The following PLSCR1 variants were observed in gnomAD, a reference collection of about 807,000 sequenced individuals.
The protein encoded by PLSCR1 is PL scramblase 1.
In PLSCR1, 17 loss-of-function variants were observed where a neutral mutation model predicts 37.8. The ratio of observed to expected loss-of-function variants is 0.45; its 90% CI spans 0.31 to 0.68. The LOEUF is 0.68. Among genes scored for constraint, PLSCR1 ranks in the 30% least tolerant of loss-of-function variants. PLSCR1 has a pLI of 0.06. For missense variants in PLSCR1, 347 were observed against 380.9 expected, an observed-to-expected ratio of 0.91 and a Z score of 0.74; for synonymous variants, 116 against 125.9, an observed-to-expected ratio of 0.92 and a Z score of 0.53.
At position 146,521,828 on chromosome 3, in the gene PLSCR1, C is replaced by T; in HGVS notation, c.576+5G>A. 6.2e-7 allele frequency: 1 copy of T among 1,608,534 alleles called. No individual in the cohort carries two copies. The highest frequency in any genetic ancestry group is 1.1e-5 in the South Asian group (1 of 90,782). On this transcript the variant is annotated splice_donor_5th_base_variant and intron_variant, in intron 6 of 8. Coordinates refer to ENST00000342435, the MANE Select transcript of PLSCR1 (RefSeq NM_021105.3). ...TACAAAGTGCCCTGGTAATTGATCA[C>T]AGACCTCCTGAAGGCAGCAGGGACA...
In PLSCR1 at chr3:146,522,071, G is replaced by A. The variant is rs867460456; in HGVS notation, c.356-18C>T. On this transcript the variant is annotated intron_variant, in intron 5 of 8. Transcript: ENST00000342435. ...TGTTAAAACTAAAAACATAAAAGAC[G>A]AAATCATAATCACCTCTATGTTAAA... 28 of 1,309,218 alleles carry A rather than the reference G, an allele frequency of 2.1e-5. 2 individuals are homozygous for A. In the Middle Eastern group the frequency reaches 2.7e-3, roughly 128 times the overall value. 81.1% of individuals were successfully genotyped at this position (1,309,218 alleles called of 1,614,324 possible).
intron 8 of PLSCR1, 25 bp downstream of exon 8, chr3:146,516,981 T>C (rs775081674): frequency 2.8e-6 from 4 of 1,427,286 alleles, no homozygotes; most frequent in Non-Finnish European, 3.8e-6. Context: ...GCATCTATAA[T>C]CAAGATTAAT....
intron 1 of PLSCR1, among the ~76,000 whole-genome samples, chr3:146,543,340 T>A (rs2609859): frequency 0.072 from 10,898 of 151,918 alleles, 520 homozygotes; most frequent in Admixed American, 0.12. Context: ...GCCACTTTTC[T>A]ATCCAATTGC....
chr3:146,532,945 T>C (rs948541488), intron 3 of PLSCR1, among the ~76,000 whole-genome samples: 3 of 152,198 alleles, frequency 2.0e-5, no homozygotes, highest in African/African-American at 7.2e-5. Context: ...AGCTTTCATA[T>C]ACATTATAAA....
chr3:146,537,281 T>C (rs553813567), intron 1 of PLSCR1, among the ~76,000 whole-genome samples: 2 of 152,312 alleles, frequency 1.3e-5, no homozygotes, highest in Admixed American at 6.5e-5. Context: ...GATCCGATCC[T>C]AGTTTTTCCC....
At chr3:146,537,679 G>A (rs1214123364) in intron 1 of PLSCR1, among the ~76,000 whole-genome samples, 2 of 152,028 alleles carry the variant, frequency 1.3e-5, no homozygotes, top group East Asian at 3.9e-4. Context: ...TTTGAGATCA[G>A]CCTGGGCAAC....
chr3:146,516,244 G>T (rs2043944871), intron 8 of PLSCR1, 143 bp from the exon 9 acceptor site: 1 of 505,898 alleles, frequency 2.0e-6, no homozygotes, highest in South Asian at 3.4e-5. Context: ...ATATACAAAA[G>T]CTCTATAATT....
At chr3:146,536,500 T>C (rs1273779200) in intron 2 of PLSCR1, 40 bp downstream of exon 2, 1 of 1,025,370 alleles carries the variant, frequency 9.8e-7, no homozygotes, top group African/African-American at 1.6e-5. Flanking sequence ...CAGATTAACA[T>C]TATAAGGAGG....
intron 4 of PLSCR1, among the ~76,000 whole-genome samples, chr3:146,526,804 T>C (rs555947801): frequency 6.6e-6 from 1 of 152,126 alleles, no homozygotes; most frequent in South Asian, 2.1e-4. Context: ...ATACTGAATG[T>C]TCTCACTCAT....
chr3:146,520,075 T>C (rs1389237207), intron 7 of PLSCR1: 1 of 152,134 alleles, frequency 6.6e-6, no homozygotes, highest in Non-Finnish European at 1.5e-5. Flanking sequence ...CTCATACTGA[T>C]AATTTCTGCT....
chr3:146,520,524 A>G (rs909025102), intron 7 of PLSCR1, among the ~76,000 whole-genome samples: 1 of 152,188 alleles, frequency 6.6e-6, no homozygotes, highest in Non-Finnish European at 1.5e-5. Flanking sequence ...ATCCCCTTAT[A>G]AGAGCCTTTT....
At chr3:146,543,926 CACT>C (rs2044370217) in intron 1 of PLSCR1, among the ~76,000 whole-genome samples, 1 of 152,180 alleles carries the variant, frequency 6.6e-6, no homozygotes, top group African/African-American at 2.4e-5. Context: ...TAGATACCGC[CACT>C]ATCTTTCCTA....
intron 1 of PLSCR1, chr3:146,537,994 A>T (rs2044288858): frequency 6.6e-6 from 1 of 152,212 alleles, no homozygotes; most frequent in African/African-American, 2.4e-5. Context: ...AATTATACAT[A>T]CTCAAGAAGT....
chr3:146,528,307 TC>T (rs1200058882), intron 4 of PLSCR1: 1 of 341,958 alleles, frequency 2.9e-6, no homozygotes, highest in Non-Finnish European at 5.5e-6. Context: ...TCACAGACTT[TC>T]AATAAGGATT....
chr3:146,528,120 A>C (rs1320399443), intron 4 of PLSCR1: 3 of 152,434 alleles, frequency 2.0e-5, no homozygotes, highest in African/African-American at 7.2e-5. Flanking sequence ...CTTTATTTAA[A>C]TTTTCTTCCA....
intron 2 of PLSCR1, among the ~76,000 whole-genome samples, chr3:146,536,082 A>C (rs1387269429): frequency 6.6e-6 from 1 of 152,188 alleles, no homozygotes; most frequent in Non-Finnish European, 1.5e-5. Flanking sequence ...AGAGAAAAAA[A>C]GCCAGAACAT....
chr3:146,541,325 A>G (rs1404209254), intron 1 of PLSCR1: 1 of 152,218 alleles, frequency 6.6e-6, no homozygotes, highest in Non-Finnish European at 1.5e-5. Context: ...CAAAACTAAA[A>G]AGTAAACCAA....
At chr3:146,516,888 T>C (rs1173474089) in intron 8 of PLSCR1, 118 bp downstream of exon 8, 3 of 718,808 alleles carry the variant, frequency 4.2e-6, no homozygotes, top group Admixed American at 6.2e-5. Flanking sequence ...TAAATGGGAA[T>C]CCTGATTTAA....
chr3:146,529,006 C>T (rs548315428), intron 3 of PLSCR1, among the ~76,000 whole-genome samples, 175 bp from the exon 4 acceptor site: 13 of 152,312 alleles, frequency 8.5e-5, no homozygotes, highest in African/African-American at 2.9e-4. Context: ...TGTGGTTGCA[C>T]ATCCACTTCT....
Sources: gnomAD v4.1 joint callset for allele counts (sites outside exome capture counted in the v4.1 genomes callset) on GRCh38, gnomAD v4.1.1 for gene constraint, MANE v1.5 for transcripts, NCBI Gene and HGNC (gene_info 2026-07-23, HGNC 2026-07-21) for gene names.